The following TRPC3 variants were observed in gnomAD, a reference collection of about 807,000 sequenced individuals.
The protein encoded by TRPC3 is short transient receptor potential channel 3.
TRPC3 carries 54 observed loss-of-function variants against 90.9 expected under a neutral mutation model. That is an observed-to-expected ratio of 0.59 (90% CI 0.48 to 0.75). The LOEUF (loss-of-function observed/expected upper bound fraction) is 0.75, where lower values mean the gene tolerates loss of function less well. Among genes scored for constraint, TRPC3 ranks in the 30% least tolerant of loss-of-function variants. The pLI is 0.00. For missense variants in TRPC3, 918 were observed against 1,194.5 expected (o/e 0.77, Z 3.41); for synonymous variants, 424 against 450.9 (o/e 0.94, Z 0.75).
At chr4:121,896,932 C>T (rs1728534269) in intron 10 of TRPC3, among the ~76,000 whole-genome samples, 1 of 151,992 alleles carries the variant, frequency 6.6e-6, no homozygotes, top group African/African-American at 2.4e-5. Flanking sequence ...ACGGTACTGG[C>T]ATAAAAAGAC....
chr4:121,920,856 T>C (rs1021775154), intron 3 of TRPC3, among the ~76,000 whole-genome samples: 1 of 152,228 alleles, frequency 6.6e-6, no homozygotes, highest in Non-Finnish European at 1.5e-5. Context: ...AAGATCAATC[T>C]TTTGTGAGAT....
At chr4:121,917,319 G>C (rs1283562324) in intron 3 of TRPC3, among the ~76,000 whole-genome samples, 1 of 152,114 alleles carries the variant, frequency 6.6e-6, no homozygotes, top group East Asian at 1.9e-4. Context: ...CAACTTTCTA[G>C]GATTCTTGTT....
At chr4:121,931,566 A>T (rs2149141489) in intron 2 of TRPC3, among the ~76,000 whole-genome samples, 1 of 151,606 alleles carries the variant, frequency 6.6e-6, no homozygotes, top group South Asian at 2.1e-4. Context: ...TATTAAAAAA[A>T]ATCTCTTAAA....
At chr4:121,898,984 T>G (rs141790691) in intron 10 of TRPC3, among the ~76,000 whole-genome samples, 1 of 152,290 alleles carries the variant, frequency 6.6e-6, no homozygotes, top group Non-Finnish European at 1.5e-5. Context: ...ACCAATATAT[T>G]ATAAATTCCT....
At chr4:121,884,886 G>A (rs1440116332) in intron 10 of TRPC3, among the ~76,000 whole-genome samples, 1 of 152,196 alleles carries the variant, frequency 6.6e-6, no homozygotes, top group Non-Finnish European at 1.5e-5. Context: ...ACAGTCCCCA[G>A]TCCAGTGAAA....
At position 121,951,739 on chromosome 4, in the gene TRPC3, G is replaced by A. The variant is rs1730773481; in HGVS notation, c.-59C>T. ...GCTGCCGGCCTCCTCCGCCTTCGCG[G>A]CAGTGCAGTCTTCCCGCGGCGCCCC... is the stretch of plus-strand genomic sequence containing the variant. On this transcript the variant is annotated 5_prime_UTR_variant, in exon 1 of 12. Transcript: ENST00000379645. The surrounding 1 kb of genome is among the most constrained non-coding windows in gnomAD (Gnocchi z 4.4). 3.2e-6 allele frequency: 4 copies of A among 1,259,900 alleles called. No individual in the cohort carries two copies. Among genetic ancestry groups the A allele is most frequent in the South Asian group, 2.7e-5 (1 of 37,036 alleles). The allele number at this position is 1,259,900 out of a possible 1,614,324, so 78.0% of individuals were successfully genotyped here.
Position 121,906,814 on chromosome 4 carries a change from G to A in TRPC3, c.2057+489C>T, listed in dbSNP as rs147528150. Reference sequence around the variant, plus strand: ...AAGGAAGACTTCATGGAAGAGGTGAGTCTCCAGTGTAGAAACCAGTATGGC... The same window carrying A: ...AAGGAAGACTTCATGGAAGAGGTGAATCTCCAGTGTAGAAACCAGTATGGC... On this transcript the variant is annotated intron_variant, in intron 7 of 11. Transcript: ENST00000379645. Among the ~76,000 whole-genome samples the A allele has an allele frequency of 1.3e-3, 202 of 152,218 alleles. 2 individuals carry two copies. Among genetic ancestry groups the A allele is most frequent in the African/African-American group, 4.6e-3 (193 of 41,544 alleles).
intron 1 of TRPC3, among the ~76,000 whole-genome samples, chr4:121,943,492 AC>A (rs1165218532): frequency 6.6e-6 from 1 of 152,142 alleles, no homozygotes; most frequent in Non-Finnish European, 1.5e-5. Context: ...AAAATTAATA[AC>A]CTTTAATAAT....
At chr4:121,909,239 A>T (rs986838979) in intron 6 of TRPC3, among the ~76,000 whole-genome samples, 1 of 152,098 alleles carries the variant, frequency 6.6e-6, no homozygotes, top group African/African-American at 2.4e-5. Context: ...ATTACATCTT[A>T]TATTTTGGAG....
At position 121,904,315 on chromosome 4, in the gene TRPC3, G is replaced by T. The variant is rs761278288; in HGVS notation, c.2253+7C>A. Reference sequence around the variant, plus strand: ...GGATAGATACTATGGATAGAAAACCGATTTACCTCAATTTCTTGATATGAG... The same window carrying T: ...GGATAGATACTATGGATAGAAAACCTATTTACCTCAATTTCTTGATATGAG... On this transcript the variant is annotated splice_region_variant and intron_variant, in intron 8 of 11. Coordinates refer to ENST00000379645, the MANE Select transcript of TRPC3 (RefSeq NM_001130698.2). 1.9e-6 allele frequency: 3 copies of T among 1,596,258 alleles called. No homozygotes were observed. The highest frequency in any genetic ancestry group is 2.6e-6 in the Non-Finnish European group (3 of 1,175,080).
chr4:121,887,345 C>T (rs1728158971), intron 10 of TRPC3, among the ~76,000 whole-genome samples: 1 of 152,178 alleles, frequency 6.6e-6, no homozygotes, highest in Admixed American at 6.5e-5. Context: ...TTCCTCCTAA[C>T]CTCAACACTG....
At chr4:121,929,417 C>T (rs764384539) in intron 2 of TRPC3, among the ~76,000 whole-genome samples, 21 of 152,152 alleles carry the variant, frequency 1.4e-4, no homozygotes, top group Non-Finnish European at 2.9e-4. Context: ...AAAGGTGCGT[C>T]ATTGACTCAG....
intron 9 of TRPC3, among the ~76,000 whole-genome samples, chr4:121,901,837 T>C (rs1164600080): frequency 6.6e-6 from 1 of 152,196 alleles, no homozygotes; most frequent in Admixed American, 6.5e-5. Flanking sequence ...TCTCACTACA[T>C]ACATGAGGTA....
At chr4:121,882,558 T>C (rs954582677) in intron 10 of TRPC3, 129 bp from the exon 11 acceptor site, 4 of 645,280 alleles carry the variant, frequency 6.2e-6, no homozygotes, top group African/African-American at 3.8e-5. Context: ...TAACTATGTA[T>C]AGAAAAATTA....
intron 3 of TRPC3, among the ~76,000 whole-genome samples, chr4:121,924,456 A>G (rs551387925): frequency 6.6e-6 from 1 of 152,336 alleles, no homozygotes; most frequent in African/African-American, 2.4e-5. Context: ...CCATGGGTAA[A>G]AAGTAGAAAG....
chr4:121,929,463 C>CT (rs2149139747), intron 2 of TRPC3, among the ~76,000 whole-genome samples: 1 of 152,292 alleles, frequency 6.6e-6, no homozygotes, highest in Admixed American at 6.5e-5. Flanking sequence ...GTCCTCACAG[C>CT]TTAATAAATG....
chr4:121,905,011 C>A (rs556192367), intron 7 of TRPC3, among the ~76,000 whole-genome samples: 60 of 152,046 alleles, frequency 3.9e-4, no homozygotes, highest in African/African-American at 1.4e-3. Context: ...AGGGGACAGG[C>A]TAAATAATTC....
At chr4:121,913,937 C>T (rs1320929255) in intron 4 of TRPC3, among the ~76,000 whole-genome samples, 1 of 152,130 alleles carries the variant, frequency 6.6e-6, no homozygotes, top group African/African-American at 2.4e-5. Flanking sequence ...CTTGTAAGTG[C>T]CCTTGACTCA....
chr4:121,911,742 G>T, intron 5 of TRPC3, 135 bp downstream of exon 5: 1 of 899,576 alleles, frequency 1.1e-6, no homozygotes, highest in South Asian at 2.2e-5. Flanking sequence ...TGGTTATTTT[G>T]CTATTTAGCT....
Sources: gnomAD v4.1 joint callset for allele counts (sites outside exome capture counted in the v4.1 genomes callset) on GRCh38, gnomAD v4.1.1 for gene constraint, Gnocchi (gnomAD v3.1) non-coding constraint, MANE v1.5 for transcripts, NCBI Gene and HGNC (gene_info 2026-07-23, HGNC 2026-07-21) for gene names.